SEC63: variants seen among roughly 807,000 people sequenced by gnomAD.
SEC63 encodes the protein translocation protein SEC63 homolog.
A neutral mutation model predicts 116.2 loss-of-function variants in SEC63; 56 were observed. That is an observed-to-expected ratio of 0.48 (90% CI 0.39 to 0.60). The LOEUF is 0.60. Among genes scored for constraint, SEC63 ranks in the 20% least tolerant of loss-of-function variants. The probability of loss-of-function intolerance (pLI) is 0.00; values close to 1 mark genes in which losing one functional copy is unlikely to be tolerated. For missense variants in SEC63, 668 were observed against 900.0 expected, an observed-to-expected ratio of 0.74 and a Z score of 3.30; for synonymous variants, 273 against 294.6, an observed-to-expected ratio of 0.93 and a Z score of 0.75.
At chr6:107,896,736 T>C (rs1786843741) in intron 14 of SEC63, among the ~76,000 whole-genome samples, 1 of 151,982 alleles carries the variant, frequency 6.6e-6, no homozygotes, top group African/African-American at 2.4e-5. Context: ...CCCAGAACTT[T>C]GGGAGGCCGA....
intron 4 of SEC63, among the ~76,000 whole-genome samples, chr6:107,917,190 A>T (rs1031503077): frequency 6.6e-6 from 1 of 152,206 alleles, no homozygotes; most frequent in Non-Finnish European, 1.5e-5. Context: ...AGCCCAACCT[A>T]TTCCTTTAAT....
intron 20 of SEC63, among the ~76,000 whole-genome samples, 176 bp downstream of exon 20, chr6:107,872,632 A>G (rs1222275779): frequency 6.6e-6 from 1 of 152,150 alleles, no homozygotes; most frequent in Non-Finnish European, 1.5e-5. Context: ...CTCCTTAAAA[A>G]CCTAAAACCT....
intron 9 of SEC63, 26 bp downstream of exon 9, chr6:107,906,657 C>T (rs776590823): frequency 6.8e-6 from 11 of 1,607,026 alleles, no homozygotes; most frequent in Admixed American, 5.0e-5. Context: ...AACTGCTCAT[C>T]GGGGGATTTG....
At chr6:107,896,469 C>CA (rs1301825906) in intron 14 of SEC63, among the ~76,000 whole-genome samples, 1 of 150,676 alleles carries the variant, frequency 6.6e-6, no homozygotes, top group Middle Eastern at 3.2e-3. Context: ...GACTCCATCT[C>CA]AAAAAAAAGA....
At chr6:107,893,378 T>G in intron 16 of SEC63, 104 bp downstream of exon 16, 1 of 1,099,626 alleles carries the variant, frequency 9.1e-7, no homozygotes, top group South Asian at 1.3e-5. Context: ...GTATCACGGG[T>G]GCATAAATTA....
chr6:107,902,934 G>A lies in SEC63; in HGVS notation c.1119C>T (p.Ala373=), dbSNP rs1327694521. Residue 373 remains alanine (A), a synonymous_variant, in exon 12 of 21, where the codon GCC becomes GCT. Coordinates refer to ENST00000369002, the MANE Select transcript of SEC63 (RefSeq NM_007214.5). ...LENCMKLSQM[A]VQGLQQFKSP... ...ACTTAAATTGCTGAAGTCCCTGAACGGCCATCTGAGAAAGCTTCATGCAGT... is the reference window on the plus strand; with the variant it reads ...ACTTAAATTGCTGAAGTCCCTGAACAGCCATCTGAGAAAGCTTCATGCAGT... 6.2e-6 allele frequency: 10 copies of A among 1,613,738 alleles called. No individual in the cohort carries two copies. The highest frequency in any genetic ancestry group is 1.1e-5 in the South Asian group (1 of 91,078).
At position 107,957,790 on chromosome 6, in the gene SEC63, ACGCCGCGGGCTGGGGCCGGGCAAGCGGG is replaced by A. The variant is rs1398861163; in HGVS notation, c.124+68_124+95del. 3.9e-6 allele frequency: 5 copies of A among 1,272,620 alleles called. No individual in the cohort carries two copies. In the Admixed American group the frequency reaches 2.1e-4, roughly 55 times the overall value. 78.8% of individuals were successfully genotyped at this position (1,272,620 alleles called of 1,614,324 possible). ...GGCCGCACCGTCCCTGTCATCCCGGACGCCGCGGGCTGGGGCCGGGCAAGCGGGCGCCGCAGGGCCTGGGGGCGCTGGC... is the reference window on the plus strand; with the variant it reads ...GGCCGCACCGTCCCTGTCATCCCGGACGCCGCAGGGCCTGGGGGCGCTGGC... On this transcript the variant is annotated intron_variant, in intron 1 of 20. Coordinates refer to ENST00000369002, the MANE Select transcript of SEC63 (RefSeq NM_007214.5).
At chr6:107,907,543 T>G (rs530794640) in intron 8 of SEC63, among the ~76,000 whole-genome samples, 3 of 152,128 alleles carry the variant, frequency 2.0e-5, no homozygotes, top group Non-Finnish European at 2.9e-5. Flanking sequence ...GATTGTGCCA[T>G]TGTACTCTAG....
At chr6:107,915,677 C>T (rs1461739011) in intron 4 of SEC63, among the ~76,000 whole-genome samples, 1 of 151,678 alleles carries the variant, frequency 6.6e-6, no homozygotes, top group African/African-American at 2.4e-5. Flanking sequence ...TTATAATAGG[C>T]AACTAAGGAG....
At position 107,884,365 on chromosome 6, in the gene SEC63, GA is replaced by G. The variant is rs930517099; in HGVS notation, c.1675-1220del. Among the ~76,000 whole-genome samples, 13 of 145,426 alleles carry G rather than the reference GA, an allele frequency of 8.9e-5. 1 individual carries two copies. The highest frequency in any genetic ancestry group is 2.5e-4 in the African/African-American group (10 of 39,538). ...TAAACCCCTAGGCAAGAATGATCAA[GA>G]AAAAAAAAGAATAAAAATTACCAAT... On this transcript the variant is annotated intron_variant, in intron 16 of 20. Coordinates refer to ENST00000369002, the MANE Select transcript of SEC63 (RefSeq NM_007214.5).
At chr6:107,881,528 T>C (rs1786414777) in intron 17 of SEC63, among the ~76,000 whole-genome samples, 1 of 152,074 alleles carries the variant, frequency 6.6e-6, no homozygotes, top group South Asian at 2.1e-4. Context: ...CTTTTTATTC[T>C]AGTCATTTCA....
At chr6:107,874,361 A>G (rs570682260) in intron 19 of SEC63, among the ~76,000 whole-genome samples, 114 of 152,226 alleles carry the variant, frequency 7.5e-4, no homozygotes, top group Admixed American at 2.8e-3. Flanking sequence ...TTGGGAGGCC[A>G]AGGCGGGCGG....
At chr6:107,954,453 GA>G (rs1034682502) in intron 1 of SEC63, 1 of 47,174 alleles carries the variant, frequency 2.1e-5, no homozygotes, top group Admixed American at 3.1e-4. Flanking sequence ...AAACACCCAA[GA>G]ATGATCAATT....
At chr6:107,879,322 C>A (rs1375062665) in intron 18 of SEC63, among the ~76,000 whole-genome samples, 1 of 151,922 alleles carries the variant, frequency 6.6e-6, no homozygotes, top group Non-Finnish European at 1.5e-5. Flanking sequence ...CGCCACCACG[C>A]CCGGCTAATG....
intron 1 of SEC63, among the ~76,000 whole-genome samples, chr6:107,952,067 T>C (rs994329906): frequency 5.3e-5 from 8 of 152,276 alleles, no homozygotes; most frequent in South Asian, 2.1e-4. Flanking sequence ...CGTGTTATCA[T>C]TGCATACAGA....
intron 1 of SEC63, among the ~76,000 whole-genome samples, chr6:107,941,789 C>A (rs1193019197): frequency 6.6e-6 from 1 of 152,190 alleles, no homozygotes; most frequent in Non-Finnish European, 1.5e-5. Flanking sequence ...TCAATCAGGG[C>A]CTGTAAGGGC....
intron 14 of SEC63, among the ~76,000 whole-genome samples, chr6:107,896,206 G>A (rs958474405): frequency 6.6e-6 from 1 of 152,158 alleles, no homozygotes; most frequent in Non-Finnish European, 1.5e-5. Flanking sequence ...GCTCATGCCT[G>A]CAACCCCAGC....
intron 6 of SEC63, 139 bp from the exon 7 acceptor site, chr6:107,911,535 C>T (rs1462152761): frequency 1.4e-6 from 1 of 693,580 alleles, no homozygotes; most frequent in Non-Finnish European, 2.6e-6. Flanking sequence ...TCCTTATTCT[C>T]AAACTCCAAG....
intron 18 of SEC63, among the ~76,000 whole-genome samples, chr6:107,880,564 T>C (rs569218057): frequency 5.3e-5 from 8 of 152,346 alleles, no homozygotes; most frequent in African/African-American, 1.9e-4. Context: ...AGCACTATAA[T>C]GACCTGTCCT....
Sources: gnomAD v4.1 joint callset for allele counts (sites outside exome capture counted in the v4.1 genomes callset) on GRCh38, gnomAD v4.1.1 for gene constraint, MANE v1.5 for transcripts, NCBI Gene and HGNC (gene_info 2026-07-23, HGNC 2026-07-21) for gene names.